FHIT: variants seen among roughly 807,000 people sequenced by gnomAD.
The protein encoded by FHIT is bis(5'-adenosyl)-triphosphatase.
FHIT carries 19 observed loss-of-function variants against 17.9 expected under a neutral mutation model. The observed-to-expected ratio is 1.06, with a 90% CI of 0.74 to 1.56. FHIT has a LOEUF of 1.56. Among genes scored for constraint, FHIT ranks in the 40% most tolerant of loss-of-function variants. The pLI, the probability that FHIT is intolerant of heterozygous loss-of-function variation, is 0.00. For synonymous variants in FHIT, 81 were observed against 69.7 expected (o/e 1.16, Z -0.81); for missense variants, 248 against 189.2 (o/e 1.31, Z -1.82).
chr3:61,239,175 AT>A (rs1440972317), intron 1 of FHIT, among the ~76,000 whole-genome samples: 1 of 152,210 alleles, frequency 6.6e-6, no homozygotes, highest in Non-Finnish European at 1.5e-5. Context: ...AGCAAACAGC[AT>A]GGATCCAACC....
intron 5 of FHIT, among the ~76,000 whole-genome samples, chr3:60,367,570 T>C (rs953866622): frequency 3.9e-5 from 6 of 152,238 alleles, no homozygotes; most frequent in Admixed American, 3.3e-4. Context: ...TTGAAACACT[T>C]GATGCCTTTA....
At chr3:60,526,503 G>C (rs907784312) in intron 5 of FHIT, among the ~76,000 whole-genome samples, 1 of 152,062 alleles carries the variant, frequency 6.6e-6, no homozygotes, top group African/African-American at 2.4e-5. Flanking sequence ...GTGCTTCTGG[G>C]CTTCTTCAAA....
chr3:60,289,930 T>C (rs1707905281), intron 5 of FHIT, among the ~76,000 whole-genome samples: 1 of 152,214 alleles, frequency 6.6e-6, no homozygotes, highest in Non-Finnish European at 1.5e-5. Flanking sequence ...ACTGTTCATA[T>C]TGTTCCCTCC....
chr3:60,028,510 C>T (rs1700849897), intron 5 of FHIT, among the ~76,000 whole-genome samples: 1 of 152,154 alleles, frequency 6.6e-6, no homozygotes, highest in Non-Finnish European at 1.5e-5. Context: ...AGGCAGCCAG[C>T]AAAGTATGTA....
chr3:60,978,882 A>G (rs1575787016), intron 3 of FHIT, among the ~76,000 whole-genome samples: 2 of 152,140 alleles, frequency 1.3e-5, no homozygotes, highest in East Asian at 3.9e-4. Flanking sequence ...ATCTACAGCT[A>G]TGGGTTGTGT....
chr3:60,553,373 A>C (rs1443282719), intron 4 of FHIT: 1 of 981,128 alleles, frequency 1.0e-6, no homozygotes, highest in African/African-American at 1.8e-5. Flanking sequence ...AATGTGAATC[A>C]GCAACCCCCT....
At chr3:60,392,020 A>G (rs1701252329) in intron 5 of FHIT, among the ~76,000 whole-genome samples, 1 of 152,066 alleles carries the variant, frequency 6.6e-6, no homozygotes, top group Admixed American at 6.6e-5. Context: ...CTCAATACAG[A>G]GATTACTTAA....
At chr3:59,862,379 G>T (rs1041142735) in intron 8 of FHIT, among the ~76,000 whole-genome samples, 3 of 152,202 alleles carry the variant, frequency 2.0e-5, no homozygotes, top group Admixed American at 2.0e-4. Context: ...GGGGATTATG[G>T]GAGCTACAAT....
intron 5 of FHIT, among the ~76,000 whole-genome samples, chr3:60,199,254 C>G (rs1702788615): frequency 2.0e-5 from 3 of 152,162 alleles, no homozygotes; most frequent in Non-Finnish European, 4.4e-5. Context: ...ACATCATAAT[C>G]TAGAACATAT....
chr3:61,189,844 T>C (rs576370702), intron 2 of FHIT, among the ~76,000 whole-genome samples: 6 of 152,162 alleles, frequency 3.9e-5, no homozygotes, highest in African/African-American at 1.4e-4. Context: ...AAGGATTCCC[T>C]ATTTAATAAA....
intron 5 of FHIT, among the ~76,000 whole-genome samples, chr3:60,087,092 C>G (rs532403133): frequency 1.3e-5 from 2 of 152,344 alleles, no homozygotes; most frequent in South Asian, 4.1e-4. Context: ...CAAAAACTGA[C>G]AAGGCTCATG....
At chr3:60,209,292 G>T (rs1186255697) in intron 5 of FHIT, among the ~76,000 whole-genome samples, 3 of 152,114 alleles carry the variant, frequency 2.0e-5, no homozygotes, top group Admixed American at 2.0e-4. Flanking sequence ...GTGCTCTTCG[G>T]CAAGTATGTG....
At chr3:60,112,233 C>T (rs923685164) in intron 5 of FHIT, among the ~76,000 whole-genome samples, 1 of 152,032 alleles carries the variant, frequency 6.6e-6, no homozygotes, top group Non-Finnish European at 1.5e-5. Flanking sequence ...CTAGGTAGAG[C>T]CTTCAGTAAG....
chr3:60,014,449 G>C (rs1468315862), intron 5 of FHIT, among the ~76,000 whole-genome samples: 4 of 152,170 alleles, frequency 2.6e-5, no homozygotes, highest in African/African-American at 9.7e-5. Context: ...ATGCGAGGAG[G>C]CAAGATCTAT....
intron 8 of FHIT, among the ~76,000 whole-genome samples, chr3:59,882,819 C>T (rs1354837221): frequency 6.6e-6 from 1 of 152,208 alleles, no homozygotes; most frequent in African/African-American, 2.4e-5. Context: ...ACTGAAGAAA[C>T]ATGGCATGTT....
At chr3:61,080,186 C>G (rs187785573) in intron 2 of FHIT, among the ~76,000 whole-genome samples, 98 of 152,178 alleles carry the variant, frequency 6.4e-4, no homozygotes, top group African/African-American at 2.3e-3. Flanking sequence ...TTAGTTAGAG[C>G]TTTATCAAAA....
intron 8 of FHIT, among the ~76,000 whole-genome samples, chr3:59,779,281 T>C (rs58644851): frequency 0.038 from 5,734 of 152,212 alleles, 148 homozygotes; most frequent in South Asian, 0.09. Flanking sequence ...GTATATATTG[T>C]TAAGGGAAGA....
chr3:60,081,375 T>C (rs531040509), intron 5 of FHIT, among the ~76,000 whole-genome samples: 1 of 152,192 alleles, frequency 6.6e-6, no homozygotes, highest in East Asian at 1.9e-4. Flanking sequence ...TTCAAAGCCT[T>C]GTCACCACAA....
intron 3 of FHIT, among the ~76,000 whole-genome samples, chr3:60,882,273 C>T (rs60217690): frequency 0.018 from 2,671 of 152,146 alleles, 75 homozygotes; most frequent in African/African-American, 0.06. Context: ...GACCTGATAG[C>T]TTCACTACTG....
Sources: gnomAD v4.1 joint callset for allele counts (sites outside exome capture counted in the v4.1 genomes callset) on GRCh38, gnomAD v4.1.1 for gene constraint, MANE v1.5 for transcripts, NCBI Gene and HGNC (gene_info 2026-07-23, HGNC 2026-07-21) for gene names.